Variants in TBC1D2B observed in about 807,000 individuals in gnomAD.
The protein encoded by TBC1D2B is TBC1 domain family, member 2B.
Under a neutral mutation model 100.8 loss-of-function variants are expected in TBC1D2B, and 64 were observed. The ratio of observed to expected loss-of-function variants is 0.64; its 90% CI spans 0.52 to 0.78. The LOEUF (loss-of-function observed/expected upper bound fraction) is 0.78. Ranked by LOEUF, TBC1D2B falls within the 30% of genes least tolerant of loss-of-function variation. TBC1D2B has a pLI of 0.00. For synonymous variants in TBC1D2B, 480 were observed against 479.7 expected (o/e 1.00, Z -0.01); for missense variants, 1,052 against 1,218.4 (o/e 0.86, Z 2.03).
Position 78,012,975 on chromosome 15 carries a change from G to A in TBC1D2B, c.2118C>T (p.Ala706=). The A allele has an allele frequency of 6.3e-7, 1 of 1,591,760 alleles. No individual in the cohort carries two copies. The highest frequency in any genetic ancestry group is 8.6e-7 in the Non-Finnish European group (1 of 1,165,364). ...GCAAGTCCAGCTCAATCTGCTTGGAGGCTGGGTTCTGTTTCTCCAGCGCCT... is the reference window on the plus strand; with the variant it reads ...GCAAGTCCAGCTCAATCTGCTTGGAAGCTGGGTTCTGTTTCTCCAGCGCCT... ...LQKALEKQNP[A]SKQIELDLLR... Residue 706 remains alanine (A), a synonymous_variant, in exon 9 of 13, where the codon GCC becomes GCT. Transcript: ENST00000300584.
At chr15:78,061,060 AT>A (rs2073533885) in intron 1 of TBC1D2B, among the ~76,000 whole-genome samples, 1 of 149,958 alleles carries the variant, frequency 6.7e-6, no homozygotes, top group Non-Finnish European at 1.5e-5. Context: ...AGCCTGGGCA[AT>A]ATGGTAAAAC....
At chr15:78,013,492 G>A (rs1255932255) in intron 8 of TBC1D2B, among the ~76,000 whole-genome samples, 175 bp from the exon 9 acceptor site, 2 of 152,046 alleles carry the variant, frequency 1.3e-5, no homozygotes, top group Non-Finnish European at 2.9e-5. Flanking sequence ...AAGCTAGGAG[G>A]ACTGGCTATC....
Position 77,997,932 on chromosome 15 carries a change from CTG to C in TBC1D2B, c.*226_*227del. The C allele has an allele frequency of 5.2e-6, 2 of 387,992 alleles. No homozygotes were observed. The highest frequency in any genetic ancestry group is 4.6e-5 in the Admixed American group (1 of 21,842). The allele number at this position is 387,992 out of a possible 1,614,324, so 24.0% of individuals were successfully genotyped here. ...TCCACCAACCAGGCAGAAAGCGTGA[CTG>C]AGATACGTGTAACCAAAAGCATGGC... On this transcript the variant is annotated 3_prime_UTR_variant, in exon 13 of 13. Transcript: ENST00000300584.
intron 1 of TBC1D2B, among the ~76,000 whole-genome samples, chr15:78,060,682 C>G (rs972077667): frequency 6.6e-6 from 1 of 150,806 alleles, no homozygotes; most frequent in African/African-American, 2.4e-5. Context: ...TTTGGGAGGC[C>G]GAGACAGGCA....
In TBC1D2B at chr15:77,996,812, A is replaced by G. The variant is rs1280610567; in HGVS notation, c.*1348T>C. 1 of 152,254 alleles carries G rather than the reference A, an allele frequency of 6.6e-6. No individual in the cohort carries two copies. The highest frequency in any genetic ancestry group is 1.9e-4 in the East Asian group (1 of 5,204). 9.4% of individuals were successfully genotyped at this position (152,254 alleles called of 1,614,324 possible). ...CAGTTTTTTTCGGGTAATATGAAAC[A>G]TTCCACTGAGATCATTTATCTTGTA... On this transcript the variant is annotated 3_prime_UTR_variant, in exon 13 of 13. Coordinates refer to ENST00000300584, the MANE Select transcript of TBC1D2B (RefSeq NM_144572.2).
chr15:78,068,765 G>A (rs1296218661), intron 1 of TBC1D2B, among the ~76,000 whole-genome samples: 1 of 152,108 alleles, frequency 6.6e-6, no homozygotes, highest in Non-Finnish European at 1.5e-5. Flanking sequence ...TCCAGGCAAA[G>A]TACTTCACAG....
chr15:78,070,445 C>T (rs1042334888), intron 1 of TBC1D2B, among the ~76,000 whole-genome samples: 1 of 152,126 alleles, frequency 6.6e-6, no homozygotes, highest in Non-Finnish European at 1.5e-5. Context: ...TAACGTCTGT[C>T]CCCCCCACCT....
chr15:77,997,065 G>A lies in TBC1D2B; in HGVS notation c.*1095C>T, dbSNP rs1442340653. ...GTGGGGTGGGCACACATCTGGGAGA[G>A]CTCACCCAAGCCTGCCCCAAGCAAA... On this transcript the variant is annotated 3_prime_UTR_variant, in exon 13 of 13. Coordinates refer to ENST00000300584, the MANE Select transcript of TBC1D2B (RefSeq NM_144572.2). 6.6e-6 allele frequency: 1 copy of A among 152,304 alleles called. No individual in the cohort carries two copies. Among genetic ancestry groups the A allele is most frequent in the African/African-American group, 2.4e-5 (1 of 41,466 alleles). 9.4% of individuals were successfully genotyped at this position (152,304 alleles called of 1,614,324 possible). A position where few individuals can be genotyped will look rare whatever the true frequency, so the allele number is the denominator to read the frequency against.
chr15:78,016,395 G>T, intron 8 of TBC1D2B, 151 bp downstream of exon 8: 1 of 684,052 alleles, frequency 1.5e-6, no homozygotes, highest in Non-Finnish European at 2.4e-6. Flanking sequence ...GGAGAATGAA[G>T]ACATTACCGT....
intron 3 of TBC1D2B, among the ~76,000 whole-genome samples, chr15:78,038,654 A>G (rs370905394): frequency 3.9e-5 from 6 of 152,196 alleles, no homozygotes; most frequent in African/African-American, 1.4e-4. Flanking sequence ...CAGGCACAGG[A>G]TGCAGACAGG....
intron 3 of TBC1D2B, chr15:78,034,860 A>C (rs990633149): frequency 3.4e-5 from 14 of 406,212 alleles, no homozygotes; most frequent in Admixed American, 6.4e-5. Flanking sequence ...CTGTGCAACA[A>C]GGGGGTCATT....
At chr15:78,008,064 A>G (rs535705600) in intron 10 of TBC1D2B, among the ~76,000 whole-genome samples, 2 of 152,358 alleles carry the variant, frequency 1.3e-5, no homozygotes, top group Non-Finnish European at 2.9e-5. Flanking sequence ...ACACGGGGAC[A>G]GCTGTGGCTA....
intron 3 of TBC1D2B, among the ~76,000 whole-genome samples, chr15:78,038,330 T>C (rs183609035): frequency 6.6e-6 from 1 of 151,900 alleles, no homozygotes; most frequent in East Asian, 1.9e-4. Flanking sequence ...AGCACGGCAG[T>C]GAGGAGTGGG....
At chr15:78,062,445 C>T (rs2073567002) in intron 1 of TBC1D2B, among the ~76,000 whole-genome samples, 1 of 152,112 alleles carries the variant, frequency 6.6e-6, no homozygotes, top group African/African-American at 2.4e-5. Flanking sequence ...GGTGAGATCC[C>T]ATTAATCTTT....
chr15:78,053,380 T>C (rs1204015009), intron 2 of TBC1D2B, among the ~76,000 whole-genome samples: 8 of 152,218 alleles, frequency 5.3e-5, no homozygotes, highest in Non-Finnish European at 1.2e-4. Flanking sequence ...GTTTGTTTGT[T>C]TGTTTTTCTG....
chr15:78,027,563 CAT>C (rs1222221497), intron 4 of TBC1D2B, among the ~76,000 whole-genome samples: 1 of 152,198 alleles, frequency 6.6e-6, no homozygotes, highest in African/African-American at 2.4e-5. Context: ...CTCTCTATCA[CAT>C]AAACTCCCCT....
rs2072602060 is a variant in TBC1D2B, at chr15:78,024,411, A to C, written c.1215T>G (p.Ile405Met). The C allele has an allele frequency of 6.2e-7, 1 of 1,613,906 alleles. No individual in the cohort carries two copies. The highest frequency in any genetic ancestry group is 8.5e-7 in the Non-Finnish European group (1 of 1,179,906). ...TCTCCAGCTGGCTGGTAAGGCCCAG[A>C]ATCTGATCATCCTTTTGGTGCAGAA... The part of the protein sequence containing the change: ...LELLHQKDDQ[I>M]LGLTSQLERF... The change falls in exon 6 of 13, where the codon ATT (isoleucine) becomes ATG (methionine). Residue 405 changes from isoleucine (I) to methionine (M), a missense_variant. Physicochemically the swap from Ile to Met is conservative, Grantham distance 10 (BLOSUM62 1). Around this residue, in one of 4 missense-constraint regions of TBC1D2B, gnomAD observed 627 missense variants for 646.1 expected, o/e 0.97. Coordinates refer to ENST00000300584, the MANE Select transcript of TBC1D2B (RefSeq NM_144572.2).
chr15:78,006,568 G>A (rs1166251393), intron 10 of TBC1D2B, among the ~76,000 whole-genome samples: 4 of 152,222 alleles, frequency 2.6e-5, no homozygotes, highest in East Asian at 3.8e-4. Flanking sequence ...CTCCTGTGAT[G>A]TTCTAGGAGG....
At chr15:78,073,427 T>C (rs989405920) in intron 1 of TBC1D2B, among the ~76,000 whole-genome samples, 49 of 152,330 alleles carry the variant, frequency 3.2e-4, no homozygotes, top group African/African-American at 1.2e-3. Context: ...TGATAAGAAA[T>C]GGTATTTGTA....
Sources: allele counts gnomAD v4.1 joint callset (sites outside exome capture counted in the v4.1 genomes callset), GRCh38; gene constraint gnomAD v4.1.1; regional missense constraint gnomAD v4.1.1; transcripts MANE v1.5; gene names NCBI Gene and HGNC (gene_info 2026-07-23, HGNC 2026-07-21).